The following CBFA2T2 variants were observed in gnomAD, a reference collection of about 807,000 sequenced individuals.
CBFA2T2 encodes the protein CBFA2/RUNX1 partner transcriptional co-repressor 2.
In CBFA2T2, 11 loss-of-function variants were observed where a neutral mutation model predicts 62.2. The observed-to-expected ratio is 0.18, with a 90% CI of 0.11 to 0.29. The LOEUF is 0.29. Ranked by LOEUF, CBFA2T2 falls within the 10% of genes least tolerant of loss-of-function variation. The pLI, the probability that CBFA2T2 is intolerant of heterozygous loss-of-function variation, is 1.00. For synonymous variants in CBFA2T2, 295 were observed against 287.5 expected, an observed-to-expected ratio of 1.03 and a Z score of -0.27; for missense variants, 592 against 774.1, an observed-to-expected ratio of 0.76 and a Z score of 2.79.
At chr20:33,574,906 A>G (rs575132556) in intron 1 of CBFA2T2, among the ~76,000 whole-genome samples, 1 of 152,326 alleles carries the variant, frequency 6.6e-6, no homozygotes, top group Non-Finnish European at 1.5e-5. Flanking sequence ...AAACTGATCA[A>G]TGTTTTTTAT....
At chr20:33,577,177 G>A (rs1463629138) in intron 1 of CBFA2T2, among the ~76,000 whole-genome samples, 1 of 152,176 alleles carries the variant, frequency 6.6e-6, no homozygotes, top group Non-Finnish European at 1.5e-5. Flanking sequence ...ATTTCAGTAA[G>A]CAGTGATGGC....
intron 1 of CBFA2T2, among the ~76,000 whole-genome samples, chr20:33,546,865 C>A (rs906761571): frequency 6.6e-6 from 1 of 151,958 alleles, no homozygotes; most frequent in Non-Finnish European, 1.5e-5. Context: ...TCCACATTAC[C>A]TCTCTGTTTA....
At chr20:33,590,060 TAG>T (rs2014546816) in intron 1 of CBFA2T2, among the ~76,000 whole-genome samples, 1 of 151,576 alleles carries the variant, frequency 6.6e-6, no homozygotes, top group Admixed American at 6.6e-5. Context: ...TGAGACCAGC[TAG>T]TGAGACCCTG....
chr20:33,610,575 G>A (rs868286746), intron 2 of CBFA2T2, among the ~76,000 whole-genome samples: 6 of 152,108 alleles, frequency 3.9e-5, no homozygotes, highest in Non-Finnish European at 7.4e-5. Context: ...CAAAGAGATA[G>A]GTACCTTATT....
chr20:33,600,808 C>T (rs2015101893), intron 1 of CBFA2T2, among the ~76,000 whole-genome samples: 1 of 152,142 alleles, frequency 6.6e-6, no homozygotes, highest in Admixed American at 6.5e-5. Context: ...CTCTGAACTT[C>T]CCTAAGGCCT....
At chr20:33,518,874 T>G (rs570116958) in intron 1 of CBFA2T2, among the ~76,000 whole-genome samples, 1 of 152,034 alleles carries the variant, frequency 6.6e-6, no homozygotes, top group East Asian at 1.9e-4. Context: ...CAGGCTGGAA[T>G]GCACTGGAGC....
Position 33,644,769 on chromosome 20 carries a change from G to A in CBFA2T2, c.*123G>A, listed in dbSNP as rs1259042374. The A allele has an allele frequency of 1.6e-5, 17 of 1,050,338 alleles. No individual in the cohort carries two copies. Among genetic ancestry groups the A allele is most frequent in the Non-Finnish European group, 2.2e-5 (16 of 725,520 alleles). The allele number at this position is 1,050,338 out of a possible 1,614,324, so 65.1% of individuals were successfully genotyped here. On this transcript the variant is annotated 3_prime_UTR_variant, in exon 11 of 11. Transcript: ENST00000342704. ...TCAGCAAGAAATGAATTGGAGGCAG[G>A]AAGAGTCCAAGCCTGAATAATAACA...
chr20:33,630,853 T>A (rs996584955), intron 8 of CBFA2T2, among the ~76,000 whole-genome samples: 1 of 152,130 alleles, frequency 6.6e-6, no homozygotes, highest in African/African-American at 2.4e-5. Flanking sequence ...AAGCCAGAAT[T>A]AATACAGTAT....
At chr20:33,601,666 G>A (rs143884325) in intron 1 of CBFA2T2, among the ~76,000 whole-genome samples, 1 of 152,152 alleles carries the variant, frequency 6.6e-6, no homozygotes, top group Non-Finnish European at 1.5e-5. Flanking sequence ...ATCTCTATAT[G>A]GATCTTTATA....
intron 1 of CBFA2T2, among the ~76,000 whole-genome samples, chr20:33,592,211 A>C (rs2014677665): frequency 6.6e-6 from 1 of 151,852 alleles, no homozygotes; most frequent in Non-Finnish European, 1.5e-5. Context: ...GAAAATACAA[A>C]AATTAGCCAG....
chr20:33,504,402 A>ATT (rs2011363441), intron 1 of CBFA2T2, among the ~76,000 whole-genome samples: 1 of 137,748 alleles, frequency 7.3e-6, no homozygotes, highest in African/African-American at 2.8e-5. Flanking sequence ...TTCATATTTA[A>ATT]CTTTTTTTTT....
At position 33,645,611 on chromosome 20, in the gene CBFA2T2, G is replaced by C. The variant is rs1412791527; in HGVS notation, c.*965G>C. 2 of 152,150 alleles carry C rather than the reference G, an allele frequency of 1.3e-5. No individual in the cohort carries two copies. Among genetic ancestry groups the C allele is most frequent in the African/African-American group, 4.8e-5 (2 of 41,410 alleles). 9.4% of individuals were successfully genotyped at this position (152,150 alleles called of 1,614,324 possible). On this transcript the variant is annotated 3_prime_UTR_variant, in exon 11 of 11. Coordinates refer to ENST00000342704, the MANE Select transcript of CBFA2T2 (RefSeq NM_001032999.3). ...ACGCTGTGGGCATCTTCTGCCCATG[G>C]GCTCCATTTGGCACCTGCTGAGCCA...
At chr20:33,642,338 A>G (rs2016889384) in intron 10 of CBFA2T2, among the ~76,000 whole-genome samples, 1 of 152,058 alleles carries the variant, frequency 6.6e-6, no homozygotes, top group Non-Finnish European at 1.5e-5. Flanking sequence ...ACAGTGGCCA[A>G]TGCTTGTAAT....
chr20:33,565,684 A>G (rs1395591293), intron 1 of CBFA2T2, among the ~76,000 whole-genome samples: 1 of 152,182 alleles, frequency 6.6e-6, no homozygotes, highest in Non-Finnish European at 1.5e-5. Flanking sequence ...TTTGAGTTGA[A>G]TACTGGAGAA....
intron 1 of CBFA2T2, among the ~76,000 whole-genome samples, chr20:33,494,273 A>ATATATATATAT (rs1568783119): frequency 4.7e-5 from 1 of 21,358 alleles, no homozygotes; most frequent in Non-Finnish European, 7.1e-5. Context: ...ATATATATAT[A>ATATATATATAT]TTTTTTTTTT....
At chr20:33,623,671 C>G in intron 5 of CBFA2T2, 1 of 643,836 alleles carries the variant, frequency 1.6e-6, no homozygotes, top group Non-Finnish European at 2.8e-6. Context: ...ATCTGCCCGC[C>G]TCAACCTCCC....
intron 1 of CBFA2T2, among the ~76,000 whole-genome samples, chr20:33,532,266 G>GT (rs2012082173): frequency 6.6e-6 from 1 of 152,192 alleles, no homozygotes; most frequent in Non-Finnish European, 1.5e-5. Context: ...AACTGTTATT[G>GT]TTCAAGTATG....
intron 8 of CBFA2T2, among the ~76,000 whole-genome samples, chr20:33,631,556 CTCTTGCTGGAGTCATTCAGG>C (rs370376904): frequency 7.2e-4 from 110 of 152,288 alleles, no homozygotes; most frequent in East Asian, 3.9e-4. Flanking sequence ...CAAGATACAG[CTCTTGCTGGAGTCATTCAGG>C]TCTTGCTGGA....
At chr20:33,605,439 C>T (rs1049939032) in intron 1 of CBFA2T2, among the ~76,000 whole-genome samples, 5 of 152,064 alleles carry the variant, frequency 3.3e-5, no homozygotes, top group East Asian at 1.9e-4. Flanking sequence ...TAACCCTGGT[C>T]GTATTATTAA....
Sources: allele counts gnomAD v4.1 joint callset (sites outside exome capture counted in the v4.1 genomes callset), GRCh38; gene constraint gnomAD v4.1.1; transcripts MANE v1.5; gene names NCBI Gene and HGNC (gene_info 2026-07-23, HGNC 2026-07-21).